TVP23A: variants seen among roughly 807,000 people sequenced by gnomAD.
The protein encoded by TVP23A is trans-golgi network vesicle protein 23 homolog A.
A neutral mutation model predicts 31.7 loss-of-function variants in TVP23A; 21 were observed. The observed-to-expected ratio is 0.66, with a 90% confidence interval of 0.47 to 0.95. The LOEUF (loss-of-function observed/expected upper bound fraction) is 0.95, where lower values mean the gene tolerates loss of function less well. Ranked by LOEUF, TVP23A falls within the 40% of genes least tolerant of loss-of-function variation. The probability of loss-of-function intolerance (pLI) is 0.00; values close to 1 mark genes in which losing one functional copy is unlikely to be tolerated. For missense variants in TVP23A, 279 were observed against 255.6 expected (o/e 1.09, Z -0.62); for synonymous variants, 104 against 96.0 (o/e 1.08, Z -0.49).
chr16:10,783,895 G>A (rs1454574839), intron 2 of TVP23A, among the ~76,000 whole-genome samples: 4 of 152,188 alleles, frequency 2.6e-5, no homozygotes, highest in African/African-American at 7.2e-5. Flanking sequence ...ACACTCTAGA[G>A]ACAGTAAAAA....
intron 2 of TVP23A, among the ~76,000 whole-genome samples, chr16:10,795,535 G>A (rs915469143): frequency 1.3e-5 from 2 of 152,128 alleles, no homozygotes; most frequent in African/African-American, 4.8e-5. Context: ...ACAGGTGTGA[G>A]CCACTGTGCC....
chr16:10,804,861 G>C (rs979091407), intron 2 of TVP23A, among the ~76,000 whole-genome samples: 1 of 152,076 alleles, frequency 6.6e-6, no homozygotes, highest in African/African-American at 2.4e-5. Flanking sequence ...TGGCATGAAG[G>C]GAACAATTCA....
intron 2 of TVP23A, among the ~76,000 whole-genome samples, chr16:10,788,163 C>T (rs2032881033): frequency 6.6e-6 from 1 of 152,020 alleles, no homozygotes; most frequent in Non-Finnish European, 1.5e-5. Flanking sequence ...GCTTCTGGGT[C>T]ATAGGTAAAT....
At chr16:10,778,243 A>C (rs567743515) in intron 2 of TVP23A, among the ~76,000 whole-genome samples, 1 of 152,216 alleles carries the variant, frequency 6.6e-6, no homozygotes, top group African/African-American at 2.4e-5. Context: ...CTGAGGCAGG[A>C]GAATCGCTTG....
chr16:10,762,970 C>T (rs375279616), downstream of TVP23A, among the ~76,000 whole-genome samples: 7 of 152,086 alleles, frequency 4.6e-5, no homozygotes, highest in African/African-American at 1.7e-4. Context: ...GGAGTGGCTG[C>T]CCTGGGATAG....
intron 2 of TVP23A, among the ~76,000 whole-genome samples, chr16:10,789,587 G>A (rs1179040644): frequency 6.6e-6 from 1 of 151,258 alleles, no homozygotes; most frequent in Non-Finnish European, 1.5e-5. Context: ...CCAGCACTTT[G>A]GGAGGCTGAG....
At chr16:10,792,991 T>C (rs1315804199) in intron 2 of TVP23A, among the ~76,000 whole-genome samples, 1 of 152,198 alleles carries the variant, frequency 6.6e-6, no homozygotes, top group Non-Finnish European at 1.5e-5. Flanking sequence ...TTATTTCTTT[T>C]TAAAGAGACA....
chr16:10,765,835 C>T (rs2030791940), downstream of TVP23A, among the ~76,000 whole-genome samples: 1 of 152,244 alleles, frequency 6.6e-6, no homozygotes, highest in Non-Finnish European at 1.5e-5. The surrounding 1 kb of genome is among the most constrained non-coding windows in gnomAD (Gnocchi z 4.0). Flanking sequence ...CATTAAGTGC[C>T]TTCTAGTGGG....
intron 7 of TVP23A, 48 bp downstream of exon 7, chr16:10,770,224 T>G: frequency 6.5e-7 from 1 of 1,547,396 alleles, no homozygotes; most frequent in Non-Finnish European, 8.7e-7. Flanking sequence ...GCTGCATTTT[T>G]CAGAATTCCC....
chr16:10,796,417 G>A (rs1013193919), intron 2 of TVP23A, among the ~76,000 whole-genome samples: 10 of 149,270 alleles, frequency 6.7e-5, no homozygotes, highest in African/African-American at 1.8e-4. Flanking sequence ...GTAGTAAAAG[G>A]GATTTTATTT....
intron 2 of TVP23A, among the ~76,000 whole-genome samples, chr16:10,800,556 G>C (rs930478054): frequency 6.6e-6 from 1 of 152,200 alleles, no homozygotes; most frequent in African/African-American, 2.4e-5. Context: ...TAACTCAGTG[G>C]TTATTTAATG....
chr16:10,789,309 G>C (rs868400545), intron 2 of TVP23A, among the ~76,000 whole-genome samples: 1 of 152,242 alleles, frequency 6.6e-6, no homozygotes, highest in South Asian at 2.1e-4. Context: ...TCCCCCCCAA[G>C]AGACAGTTCT....
At chr16:10,765,327 TAA>T (rs533208449), downstream of TVP23A, among the ~76,000 whole-genome samples, 7,118 of 111,156 alleles carry the variant, frequency 0.064, 651 homozygotes, top group African/African-American at 0.23. The surrounding 1 kb of genome is among the most constrained non-coding windows in gnomAD (Gnocchi z 4.0). Context: ...CCTCATCTCT[TAA>T]AAAAAAAAAA....
chr16:10,769,729 T>G (rs1412222843), intron 7 of TVP23A, among the ~76,000 whole-genome samples: 1 of 152,190 alleles, frequency 6.6e-6, no homozygotes, highest in Non-Finnish European at 1.5e-5. Context: ...TGTAGTAATA[T>G]GTGCACAGTA....
Position 10,769,090 on chromosome 16 carries a change from C to T in TVP23A, c.*12G>A. 4 of 1,614,012 alleles carry T rather than the reference C, an allele frequency of 2.5e-6. No homozygotes were observed. Among genetic ancestry groups the T allele is most frequent in the South Asian group, 1.1e-5 (1 of 91,068 alleles). Reference sequence around the variant, plus strand: ...ATCTCCATCAGTCAAAAGAAGAGAACCTCATCAGTTCCTGAAACGAGAGAA... The same window carrying T: ...ATCTCCATCAGTCAAAAGAAGAGAATCTCATCAGTTCCTGAAACGAGAGAA... On this transcript the variant is annotated 3_prime_UTR_variant, in exon 8 of 8. Coordinates refer to ENST00000299866, the MANE Select transcript of TVP23A (RefSeq NM_001079512.4).
chr16:10,801,223 T>C (rs967172350), intron 2 of TVP23A, among the ~76,000 whole-genome samples: 1 of 152,070 alleles, frequency 6.6e-6, no homozygotes, highest in Non-Finnish European at 1.5e-5. Context: ...AGGCCATCTT[T>C]AGTAGTGGCA....
chr16:10,817,926 C>G lies in TVP23A; in HGVS notation c.89+177G>C, dbSNP rs148315597. Among the ~76,000 whole-genome samples, 350 of 152,342 alleles carry G rather than the reference C, an allele frequency of 2.3e-3. 1 individual carries two copies. Among genetic ancestry groups the G allele is most frequent in the African/African-American group, 7.4e-3 (307 of 41,570 alleles). On this transcript the variant is annotated intron_variant, in intron 2 of 7. Coordinates refer to ENST00000299866, the MANE Select transcript of TVP23A (RefSeq NM_001079512.4). ...ACATCAACTCCACCCCTTCTTCCTCCCTCTCCCAATGCAGGCTCCAGGAGG... is the reference window on the plus strand; with the variant it reads ...ACATCAACTCCACCCCTTCTTCCTCGCTCTCCCAATGCAGGCTCCAGGAGG...
chr16:10,774,963 A>G lies in TVP23A; in HGVS notation c.223T>C (p.Trp75Arg), dbSNP rs1407314435. 1 of 1,613,044 alleles carries G rather than the reference A, an allele frequency of 6.2e-7. No homozygotes were observed. The highest frequency in any genetic ancestry group is 8.5e-7 in the Non-Finnish European group (1 of 1,179,404). ...MVLLLLSLDFWSVKNVTGRLL... is the reference protein window; with the variant it reads ...MVLLLLSLDFRSVKNVTGRLL... ...CGAAAGGGCCTCACCTTCACAGACCAGAAGTCCAGGGACAGGAGGAGCAGC... is the reference window on the plus strand; with the variant it reads ...CGAAAGGGCCTCACCTTCACAGACCGGAAGTCCAGGGACAGGAGGAGCAGC... The change falls in exon 3 of 8, where the codon TGG (tryptophan) becomes CGG (arginine). Residue 75 changes from tryptophan to arginine, a missense_variant. Coordinates refer to ENST00000299866, the MANE Select transcript of TVP23A (RefSeq NM_001079512.4).
chr16:10,775,459 G>T, intron 2 of TVP23A: 2 of 1,067,882 alleles, frequency 1.9e-6, no homozygotes, highest in South Asian at 3.1e-5. Flanking sequence ...AAAGGTAAAG[G>T]TTGGGTTTTT....
Sources: gnomAD v4.1 joint callset for allele counts (sites outside exome capture counted in the v4.1 genomes callset) on GRCh38, gnomAD v4.1.1 for gene constraint, Gnocchi (gnomAD v3.1) non-coding constraint, MANE v1.5 for transcripts, NCBI Gene and HGNC (gene_info 2026-07-23, HGNC 2026-07-21) for gene names.